ATXN7L2: variants seen among roughly 807,000 people sequenced by gnomAD.
The protein encoded by ATXN7L2 is ataxin 7 like 2, also known as ataxin-7-like protein 2.
A neutral mutation model predicts 59.6 loss-of-function variants in ATXN7L2; 17 were observed. The ratio of observed to expected loss-of-function variants is 0.29; its 90% confidence interval spans 0.20 to 0.43. The LOEUF (loss-of-function observed/expected upper bound fraction) is 0.43. Ranked by LOEUF, ATXN7L2 falls within the 20% of genes least tolerant of loss-of-function variation. ATXN7L2 has a pLI of 1.00. For missense variants in ATXN7L2, 858 were observed against 1,008.9 expected (o/e 0.85, Z 2.03); for synonymous variants, 378 against 392.5 (o/e 0.96, Z 0.44).
Position 109,490,249 on chromosome 1 carries a change from T to C in ATXN7L2, c.1333-22T>C, listed in dbSNP as rs770610369. On this transcript the variant is annotated intron_variant, in intron 8 of 10. Coordinates refer to ENST00000683729, the MANE Select transcript of ATXN7L2 (RefSeq NM_001350175.2). ...TGTGCACCCCAGACCCTGCCAACCA[T>C]GCACCTTCCTTCTGCCTTTAGTTCT... 1.7e-5 allele frequency: 28 copies of C among 1,612,820 alleles called. No homozygotes were observed. The Admixed American group carries it at 2.2e-4, about 12-fold the overall frequency.
rs1462823538 is a variant in ATXN7L2, at chr1:109,488,143, G to C, written c.797-240G>C. ...CTGCTTTTGTTTCTTGATGTGTGTT[G>C]CCCTGCTTTGGGCTTGAAGTCCCAA... On this transcript the variant is annotated intron_variant, in intron 5 of 10. Transcript: ENST00000683729. This position sits in a 1 kb window ranked among gnomAD's most constrained non-coding sequence, Gnocchi z 5.0. Among the ~76,000 whole-genome samples the C allele has an allele frequency of 6.6e-6, 1 of 152,212 alleles. No individual in the cohort carries two copies. Among genetic ancestry groups the C allele is most frequent in the Non-Finnish European group, 1.5e-5 (1 of 68,034 alleles).
chr1:109,486,270 C>T lies in ATXN7L2; in HGVS notation c.193+148C>T. ...GGTCCGAGTCGGCCGGTTGTTCTGG[C>T]TCCTGTGACCTGTCGTTGGAGATCA... On this transcript the variant is annotated intron_variant, in intron 2 of 10. Coordinates refer to ENST00000683729, the MANE Select transcript of ATXN7L2 (RefSeq NM_001350175.2). The surrounding 1 kb of genome is among the most constrained non-coding windows in gnomAD (Gnocchi z 4.3). 1 of 1,254,486 alleles carries T rather than the reference C, an allele frequency of 8.0e-7. No individual in the cohort carries two copies. The highest frequency in any genetic ancestry group is 1.1e-6 in the Non-Finnish European group (1 of 931,144). The allele number at this position is 1,254,486 out of a possible 1,614,324, so 77.7% of individuals were successfully genotyped here.
chr1:109,492,396 G>A (rs1264936798), intron 10 of ATXN7L2, among the ~76,000 whole-genome samples, 190 bp from the exon 11 acceptor site: 1 of 152,192 alleles, frequency 6.6e-6, no homozygotes, highest in Admixed American at 6.5e-5. Flanking sequence ...TAAACCCTGT[G>A]TGTTCTCCAG....
Position 109,487,168 on chromosome 1 carries a change from C to G in ATXN7L2, c.460C>G (p.Arg154Gly). 1.3e-6 allele frequency: 2 copies of G among 1,597,566 alleles called. No homozygotes were observed. The part of the protein sequence containing the change: ...TSSREKGQGS[R>G]SRGHQPPEKT... ...CTCCAGGGAGAAGGGCCAGGGGTCC[C>G]GGAGCCGTGGCCACCAGCCTCCTGA... Residue 154 changes from arginine (R) to glycine (G), a missense_variant, in exon 4 of 11, where the codon CGG becomes GGG. This residue lies in a region of ATXN7L2 where 734 missense variants were observed against 862.3 expected (regional missense o/e 0.85). Coordinates refer to ENST00000683729, the MANE Select transcript of ATXN7L2 (RefSeq NM_001350175.2).
chr1:109,491,795 G>A lies in ATXN7L2; in HGVS notation c.2250+78G>A. The A allele has an allele frequency of 7.0e-7, 1 of 1,428,408 alleles. No individual in the cohort carries two copies. The highest frequency in any genetic ancestry group is 9.3e-7 in the Non-Finnish European group (1 of 1,076,152). 88.5% of individuals were successfully genotyped at this position (1,428,408 alleles called of 1,614,324 possible). On this transcript the variant is annotated intron_variant, in intron 10 of 10. Transcript: ENST00000683729. This position sits in a 1 kb window ranked among gnomAD's most constrained non-coding sequence, Gnocchi z 4.1. ...CTGATACAGAGAAGATGCTACATTG[G>A]TGTTTGTGCAGGGAAAGGGAGGAAG...
At chr1:109,489,451 TG>T in intron 7 of ATXN7L2, 1 of 355,274 alleles carries the variant, frequency 2.8e-6, no homozygotes. Flanking sequence ...CCCCTTCGCG[TG>T]CAGAGGCTAT....
In ATXN7L2 at chr1:109,491,959, C is replaced by A; in HGVS notation, c.2250+242C>A. The A allele has an allele frequency of 7.9e-7, 1 of 1,260,466 alleles. No homozygotes were observed. The highest frequency in any genetic ancestry group is 1.0e-6 in the Non-Finnish European group (1 of 985,352). The allele number at this position is 1,260,466 out of a possible 1,614,324, so 78.1% of individuals were successfully genotyped here. On this transcript the variant is annotated intron_variant, in intron 10 of 10. Coordinates refer to ENST00000683729, the MANE Select transcript of ATXN7L2 (RefSeq NM_001350175.2). The surrounding 1 kb of genome is among the most constrained non-coding windows in gnomAD (Gnocchi z 4.1). ...CTTGGGCTGAGGAGATGCGGCACCC[C>A]TCCACCCCTGCTTTTGCTATAATCA...
chr1:109,487,618 C>T lies in ATXN7L2; in HGVS notation c.610C>T (p.Pro204Ser). The change falls in exon 5 of 11, where the codon CCA becomes TCA. Residue 204 changes from proline to serine, a missense_variant. Pro to Ser is a moderately conservative substitution (Grantham distance 74, BLOSUM62 -1). This residue lies in a region of ATXN7L2 where 734 missense variants were observed against 862.3 expected (regional missense o/e 0.85). Transcript: ENST00000683729. ...CCCACCCTCTGCTTTTCTCAGCCAGCCAGGGGGCCTCACCAAGGACTCCCC... is the reference window on the plus strand; with the variant it reads ...CCCACCCTCTGCTTTTCTCAGCCAGTCAGGGGGCCTCACCAAGGACTCCCC... ...VAPPSAFLSQ[P>S]GGLTKDSPGK... 10 of 1,594,726 alleles carry T rather than the reference C, an allele frequency of 6.3e-6. No individual in the cohort carries two copies. Among genetic ancestry groups the T allele is most frequent in the Non-Finnish European group, 8.5e-6 (10 of 1,170,914 alleles).
chr1:109,486,263 GT>G lies in ATXN7L2; in HGVS notation c.193+143del. On this transcript the variant is annotated intron_variant, in intron 2 of 10. Transcript: ENST00000683729. This position sits in a 1 kb window ranked among gnomAD's most constrained non-coding sequence, Gnocchi z 4.3. ...TTTGATAGGTCCGAGTCGGCCGGTTGTTCTGGCTCCTGTGACCTGTCGTTGG... is the reference window on the plus strand; with the variant it reads ...TTTGATAGGTCCGAGTCGGCCGGTTGTCTGGCTCCTGTGACCTGTCGTTGG... The G allele has an allele frequency of 1.5e-6, 2 of 1,319,704 alleles. No homozygotes were observed. The highest frequency in any genetic ancestry group is 2.0e-6 in the Non-Finnish European group (2 of 988,570). 81.7% of individuals were successfully genotyped at this position (1,319,704 alleles called of 1,614,324 possible). A position where few individuals can be genotyped will look rare whatever the true frequency, so the allele number is the denominator to read the frequency against.
At chr1:109,487,252 C>G (rs1656657052) in intron 4 of ATXN7L2, 35 bp downstream of exon 4, 3 of 1,460,684 alleles carry the variant, frequency 2.1e-6, no homozygotes, top group Non-Finnish European at 2.7e-6. Flanking sequence ...AAGACTGGCC[C>G]TGACCCTGAC....
chr1:109,490,474 T>C, intron 9 of ATXN7L2, 82 bp downstream of exon 9: 1 of 1,550,080 alleles, frequency 6.5e-7, no homozygotes, highest in Non-Finnish European at 8.7e-7. Flanking sequence ...GAAGCCCTGA[T>C]CTTTCCTGTA....
In ATXN7L2 at chr1:109,487,044, G is replaced by A. The variant is rs556723283; in HGVS notation, c.336G>A (p.Arg112=). ...RHGPLSKLYG[R]APPPPPAPAS... is the part of the protein sequence containing the mutation. The stretch of plus-strand genomic sequence containing the variant: ...GGCCCCTCAGCAAGCTTTATGGCCG[G>A]GCCCCACCCCCACCTCCAGCCCCTG... The change falls in exon 4 of 11, where the codon CGG becomes CGA. Residue 112 remains arginine, a synonymous_variant. Coordinates refer to ENST00000683729, the MANE Select transcript of ATXN7L2 (RefSeq NM_001350175.2). The A allele has an allele frequency of 9.9e-6, 16 of 1,609,638 alleles. No individual in the cohort carries two copies. The African/African-American group carries it at 1.3e-4, about 13-fold the overall frequency.
chr1:109,484,590 C>T (rs1180207085), intron 1 of ATXN7L2, among the ~76,000 whole-genome samples: 1 of 152,086 alleles, frequency 6.6e-6, no homozygotes, highest in East Asian at 1.9e-4. Flanking sequence ...ATCCATCTAT[C>T]CTCCCTCCCT....
rs776804349 is a variant in ATXN7L2, at chr1:109,484,009, C to G, written c.56C>G (p.Pro19Arg). 3.6e-6 allele frequency: 5 copies of G among 1,397,260 alleles called. No individual in the cohort carries two copies. The highest frequency in any genetic ancestry group is 2.8e-6 in the Non-Finnish European group (3 of 1,065,768). 86.6% of individuals were successfully genotyped at this position (1,397,260 alleles called of 1,614,324 possible). The change falls in exon 1 of 11, where the codon CCG (proline) becomes CGG (arginine). Residue 19 changes from proline (P) to arginine (R), a missense_variant. Transcript: ENST00000683729. ...AAMAALERRVPSLDDFAGQSW... is the reference protein window; with the variant it reads ...AAMAALERRVRSLDDFAGQSW... ...ATGGCCGCTCTGGAGCGGCGGGTGCCGAGTCTCGATGACTTCGCGGGACAG... is the reference window on the plus strand; with the variant it reads ...ATGGCCGCTCTGGAGCGGCGGGTGCGGAGTCTCGATGACTTCGCGGGACAG...
chr1:109,491,053 C>T lies in ATXN7L2; in HGVS notation c.1586C>T (p.Ser529Phe). 1 of 1,613,810 alleles carries T rather than the reference C, an allele frequency of 6.2e-7. No homozygotes were observed. Among genetic ancestry groups the T allele is most frequent in the Non-Finnish European group, 8.5e-7 (1 of 1,180,024 alleles). Residue 529 changes from serine to phenylalanine, a missense_variant, in exon 10 of 11, where the codon TCC becomes TTC. Ser to Phe is a radical substitution (Grantham distance 155). Around this residue, in one of 3 missense-constraint regions of ATXN7L2, gnomAD observed 734 missense variants for 862.3 expected, o/e 0.85. Coordinates refer to ENST00000683729, the MANE Select transcript of ATXN7L2 (RefSeq NM_001350175.2). This position sits in a 1 kb window ranked among gnomAD's most constrained non-coding sequence, Gnocchi z 4.1. ...ACCCTGAGACCTGCCTGCCCAGCCT[C>T]CATGCCCCCCACCAAGGACAACCTT... ...GPTLRPACPASMPPTKDNLVP... is the reference protein window; with the variant it reads ...GPTLRPACPAFMPPTKDNLVP...
At chr1:109,485,445 C>T in intron 1 of ATXN7L2, 1 of 985,446 alleles carries the variant, frequency 1.0e-6, no homozygotes, top group Non-Finnish European at 1.2e-6. Flanking sequence ...AGCAGTTTCT[C>T]TGCTCTGTGA....
chr1:109,485,653 G>A (rs1171980250), intron 1 of ATXN7L2: 2 of 988,956 alleles, frequency 2.0e-6, no homozygotes, highest in East Asian at 1.1e-4. Context: ...GGTTAAGGAC[G>A]GTTTCCCCTT....
chr1:109,491,431 G>A lies in ATXN7L2; in HGVS notation c.1964G>A (p.Arg655Gln), dbSNP rs377112437. 49 of 1,614,036 alleles carry A rather than the reference G, an allele frequency of 3.0e-5. No homozygotes were observed. The highest frequency in any genetic ancestry group is 1.1e-4 in the East Asian group (5 of 44,904). Residue 655 changes from arginine to glutamine, a missense_variant, in exon 10 of 11, where the codon CGG becomes CAG. This residue lies in a region of ATXN7L2 where 734 missense variants were observed against 862.3 expected (regional missense o/e 0.85). Coordinates refer to ENST00000683729, the MANE Select transcript of ATXN7L2 (RefSeq NM_001350175.2). The surrounding 1 kb of genome is among the most constrained non-coding windows in gnomAD (Gnocchi z 4.1). Reference protein sequence around the residue: ...LNGTMGPRVKRAGPLDCRGSP... With the variant: ...LNGTMGPRVKQAGPLDCRGSP... ...GGGACAATGGGGCCAAGAGTGAAGC[G>A]GGCAGGGCCCCTGGACTGTCGTGGC...
chr1:109,484,052 G>A lies in ATXN7L2; in HGVS notation c.99G>A (p.Val33=), dbSNP rs757359791. ...DFAGQSWSSW[V]ERADLPAADG... The stretch of plus-strand genomic sequence containing the variant: ...CGGGACAGAGCTGGAGCTCGTGGGT[G>A]GAGCGGGCCGACCTGCCCGCGGCTG... Residue 33 remains valine, a synonymous_variant, in exon 1 of 11, where the codon GTG becomes GTA. Transcript: ENST00000683729. 2.0e-6 allele frequency: 3 copies of A among 1,516,282 alleles called. No individual in the cohort carries two copies. In the African/African-American group the frequency reaches 4.3e-5, roughly 22 times the overall value. 93.9% of individuals were successfully genotyped at this position (1,516,282 alleles called of 1,614,324 possible).
Sources: gnomAD v4.1 joint callset for allele counts (sites outside exome capture counted in the v4.1 genomes callset) on GRCh38, gnomAD v4.1.1 for gene constraint, gnomAD v4.1.1 regional missense constraint, Gnocchi (gnomAD v3.1) non-coding constraint, MANE v1.5 for transcripts, NCBI Gene and HGNC (gene_info 2026-07-23, HGNC 2026-07-21) for gene names.